COLEC11: variants seen among roughly 807,000 people sequenced by gnomAD.
COLEC11 encodes collectin subfamily member 11.
In COLEC11, 20 loss-of-function variants were observed where a neutral mutation model predicts 27.3. The observed-to-expected ratio is 0.73, with a 90% CI of 0.51 to 1.06. COLEC11 has a LOEUF of 1.06. Ranked by LOEUF, COLEC11 falls within the 50% of genes least tolerant of loss-of-function variation. The probability of loss-of-function intolerance (pLI) is 0.00; values close to 1 mark genes in which losing one functional copy is unlikely to be tolerated. For synonymous variants in COLEC11, 163 were observed against 154.7 expected (o/e 1.05, Z -0.40); for missense variants, 310 against 383.0 (o/e 0.81, Z 1.59).
chr2:3,643,928 A>G lies in COLEC11; in HGVS notation c.626A>G (p.Glu209Gly). The G allele has an allele frequency of 6.2e-7, 1 of 1,614,150 alleles. No individual in the cohort carries two copies. Among genetic ancestry groups the G allele is most frequent in the Non-Finnish European group, 8.5e-7 (1 of 1,180,044 alleles). The change falls in exon 7 of 7, where the codon GAG becomes GGG. Residue 209 changes from glutamate to glycine, a missense_variant. Physicochemically the swap from Glu to Gly is moderately conservative, Grantham distance 98. Coordinates refer to ENST00000349077, the MANE Select transcript of COLEC11 (RefSeq NM_024027.5). ...ARVFIGINDL[E>G]KEGAFVYSDH... Reference sequence around the variant, plus strand: ...GTCTTCATCGGCATCAACGACCTGGAGAAGGAGGGCGCCTTCGTGTACTCT... The same window carrying G: ...GTCTTCATCGGCATCAACGACCTGGGGAAGGAGGGCGCCTTCGTGTACTCT...
intron 3 of COLEC11, among the ~76,000 whole-genome samples, chr2:3,630,762 ATTC>A (rs769690965): frequency 7.2e-5 from 11 of 152,170 alleles, no homozygotes; most frequent in Admixed American, 3.9e-4. Context: ...GGTACATGTT[ATTC>A]TTCTTTGGTC....
chr2:3,626,487 C>A (rs56296486), intron 3 of COLEC11, among the ~76,000 whole-genome samples: 18,631 of 152,216 alleles, frequency 0.12, 1,392 homozygotes, highest in East Asian at 0.32. Flanking sequence ...AGGATAGACG[C>A]ACAATGTCTT....
At chr2:3,601,520 C>T (rs902539465) in intron 1 of COLEC11, among the ~76,000 whole-genome samples, 2 of 152,194 alleles carry the variant, frequency 1.3e-5, no homozygotes, top group African/African-American at 4.8e-5. Flanking sequence ...TCTCAAACTC[C>T]TGGACTCAAG....
At chr2:3,622,869 A>G (rs1664279067) in intron 3 of COLEC11, among the ~76,000 whole-genome samples, 1 of 152,228 alleles carries the variant, frequency 6.6e-6, no homozygotes, top group Admixed American at 6.5e-5. Flanking sequence ...GACTAAGGCA[A>G]GTATATAGTT....
At chr2:3,634,443 A>T (rs1320588886) in intron 3 of COLEC11, among the ~76,000 whole-genome samples, 1 of 152,142 alleles carries the variant, frequency 6.6e-6, no homozygotes, top group Admixed American at 6.6e-5. Context: ...CAGCCATGAG[A>T]ACTGACTGTA....
intron 1 of COLEC11, among the ~76,000 whole-genome samples, chr2:3,599,353 G>T (rs569145666): frequency 1.1e-4 from 16 of 152,306 alleles, no homozygotes; most frequent in Middle Eastern, 3.4e-3. Flanking sequence ...ATGGAAACGG[G>T]TTTCCCTGTA....
intron 5 of COLEC11, among the ~76,000 whole-genome samples, chr2:3,642,264 C>T (rs1040897828): frequency 2.6e-5 from 4 of 152,202 alleles, no homozygotes; most frequent in Admixed American, 6.5e-5. Context: ...CTCCATGCCC[C>T]GTGGCTCTCA....
At chr2:3,613,492 C>A in intron 3 of COLEC11, 110 bp downstream of exon 3, 1 of 1,159,322 alleles carries the variant, frequency 8.6e-7, no homozygotes, top group Non-Finnish European at 1.3e-6. Flanking sequence ...CAGGCCCTGC[C>A]CTCTGGGTCC....
intron 1 of COLEC11, among the ~76,000 whole-genome samples, chr2:3,598,751 G>T (rs1469434703): frequency 6.6e-6 from 1 of 152,058 alleles, no homozygotes; most frequent in Non-Finnish European, 1.5e-5. Context: ...GAGGCGGGCC[G>T]TGGGTGCGGG....
Position 3,641,366 on chromosome 2 carries a change from C to T in COLEC11, c.328+1035C>T, listed in dbSNP as rs763556087. The T allele has an allele frequency of 1.0e-5, 13 of 1,301,778 alleles. 1 individual carries two copies. The South Asian group carries it at 1.1e-4, about 11-fold the overall frequency. The allele number at this position is 1,301,778 out of a possible 1,614,324, so 80.6% of individuals were successfully genotyped here. On this transcript the variant is annotated intron_variant, in intron 5 of 6. Transcript: ENST00000349077. The stretch of plus-strand genomic sequence containing the variant: ...CTGGCCGAGCAGCATCCGCTCAGGG[C>T]ACCTCCAGGCACTCAGCCAACCTGA...
At chr2:3,599,287 G>A (rs1662062072) in intron 1 of COLEC11, among the ~76,000 whole-genome samples, 2 of 152,146 alleles carry the variant, frequency 1.3e-5, no homozygotes, top group Non-Finnish European at 2.9e-5. Flanking sequence ...GGCTCTGCAG[G>A]AAGAAGCCAG....
chr2:3,599,237 G>A (rs1214436697), intron 1 of COLEC11, among the ~76,000 whole-genome samples: 2 of 152,160 alleles, frequency 1.3e-5, no homozygotes, highest in Non-Finnish European at 2.9e-5. Flanking sequence ...CCCAGTGGAC[G>A]TTCTGTACCC....
intron 2 of COLEC11, chr2:3,605,896 C>T: frequency 1.7e-6 from 1 of 590,102 alleles, no homozygotes; most frequent in Non-Finnish European, 2.8e-6. Flanking sequence ...TTTTTTCCGG[C>T]TGTGTTAGCC....
At chr2:3,616,227 T>C in intron 3 of COLEC11, among the ~76,000 whole-genome samples, 1 of 145,938 alleles carries the variant, frequency 6.9e-6, no homozygotes, top group African/African-American at 2.6e-5. Context: ...CGCTCCTCAC[T>C]TCCCAGACAG....
chr2:3,627,981 C>T (rs1453603184), intron 3 of COLEC11, among the ~76,000 whole-genome samples: 3 of 152,170 alleles, frequency 2.0e-5, no homozygotes, highest in African/African-American at 7.2e-5. Flanking sequence ...CAGCCTGTGG[C>T]CACTCCAAAC....
chr2:3,635,014 C>T (rs140196148), intron 3 of COLEC11, among the ~76,000 whole-genome samples: 460 of 151,614 alleles, frequency 3.0e-3, no homozygotes, highest in Non-Finnish European at 5.1e-3. Flanking sequence ...GGGCCCCTGC[C>T]TCCCACTGGA....
At chr2:3,598,232 G>C (rs964646291) in intron 1 of COLEC11, among the ~76,000 whole-genome samples, 6 of 152,156 alleles carry the variant, frequency 3.9e-5, no homozygotes, top group African/African-American at 1.4e-4. Context: ...CACTGTGCTT[G>C]GCCCATTTCA....
chr2:3,601,096 A>G (rs977937014), intron 1 of COLEC11, among the ~76,000 whole-genome samples: 6 of 152,152 alleles, frequency 3.9e-5, no homozygotes, highest in Admixed American at 3.3e-4. Flanking sequence ...GTTTGAAGAA[A>G]GGGGGATGTG....
At chr2:3,603,727 G>A (rs978769472) in intron 1 of COLEC11, 156 of 1,495,148 alleles carry the variant, frequency 1.0e-4, no homozygotes, top group East Asian at 5.7e-4. Flanking sequence ...CTATGGGCTC[G>A]GCCCCCACCT....
Sources: allele counts gnomAD v4.1 joint callset (sites outside exome capture counted in the v4.1 genomes callset), GRCh38; gene constraint gnomAD v4.1.1; transcripts MANE v1.5; gene names NCBI Gene and HGNC (gene_info 2026-07-23, HGNC 2026-07-21).